The following SLC25A26 variants were observed in gnomAD, a reference collection of about 807,000 sequenced individuals.
SLC25A26 encodes solute carrier family 25 member 26, also known as mitochondrial S-adenosylmethionine carrier protein.
SLC25A26 carries 36 observed loss-of-function variants against 37.8 expected under a neutral mutation model. That is an observed-to-expected ratio of 0.95 (90% CI 0.73 to 1.26). The LOEUF (loss-of-function observed/expected upper bound fraction) is 1.26, where lower values mean the gene tolerates loss of function less well. Among genes scored for constraint, SLC25A26 ranks in the 50% most tolerant of loss-of-function variants. The pLI is 0.00. For missense variants in SLC25A26, 390 were observed against 331.1 expected (o/e 1.18, Z -1.38); for synonymous variants, 129 against 122.5 (o/e 1.05, Z -0.35).
intron 1 of SLC25A26, among the ~76,000 whole-genome samples, chr3:66,187,540 T>G (rs1486650086): frequency 2.0e-5 from 3 of 152,070 alleles, no homozygotes; most frequent in Non-Finnish European, 2.9e-5. Context: ...GCTATCACCC[T>G]GACTCTACCC....
intron 5 of SLC25A26, among the ~76,000 whole-genome samples, chr3:66,288,750 A>G (rs1364265674): frequency 6.6e-6 from 1 of 152,168 alleles, no homozygotes; most frequent in African/African-American, 2.4e-5. Context: ...GGTTGGTTCC[A>G]AGTCTTTGCT....
chr3:66,240,747 C>CTTTTTTTTTT (rs782761312), intron 2 of SLC25A26, among the ~76,000 whole-genome samples: 6 of 129,154 alleles, frequency 4.6e-5, no homozygotes, highest in African/African-American at 1.5e-4. Context: ...CTTTTCTTTT[C>CTTTTTTTTTT]TTTTTTTTTT....
At chr3:66,236,466 C>T in intron 1 of SLC25A26, 78 bp from the exon 2 acceptor site, 1 of 1,179,860 alleles carries the variant, frequency 8.5e-7, no homozygotes, top group Non-Finnish European at 1.1e-6. Flanking sequence ...GTCTTCCTAT[C>T]TTCGCCCCCA....
chr3:66,171,736 T>C (rs988375258), intron 1 of SLC25A26, among the ~76,000 whole-genome samples: 9 of 152,062 alleles, frequency 5.9e-5, no homozygotes, highest in African/African-American at 1.7e-4. Context: ...GTGAGCTGCC[T>C]GCCTTAGCCT....
At chr3:66,254,399 CAT>C (rs1390900905) in intron 3 of SLC25A26, among the ~76,000 whole-genome samples, 3 of 152,344 alleles carry the variant, frequency 2.0e-5, no homozygotes, top group East Asian at 3.9e-4. Context: ...CAAAAATCTT[CAT>C]AGTTTCCAGG....
intron 1 of SLC25A26, among the ~76,000 whole-genome samples, chr3:66,189,654 C>T (rs1451787156): frequency 1.3e-5 from 2 of 152,062 alleles, no homozygotes; most frequent in African/African-American, 2.4e-5. Flanking sequence ...GTACTGTGTG[C>T]TTTCTTTTCT....
At chr3:66,211,567 A>T (rs931615290) in intron 1 of SLC25A26, among the ~76,000 whole-genome samples, 9 of 152,178 alleles carry the variant, frequency 5.9e-5, no homozygotes, top group African/African-American at 1.9e-4. Flanking sequence ...ACTTAACAAA[A>T]CAAAATGGCA....
intron 5 of SLC25A26, among the ~76,000 whole-genome samples, chr3:66,303,006 GCAGCATCCCTGGCCTCTACC>G (rs2075118811): frequency 6.6e-6 from 1 of 152,122 alleles, no homozygotes; most frequent in Admixed American, 6.5e-5. Context: ...AGGCTGTGTA[GCAGCATCCCTGGCCTCTACC>G]CACTAGATAC....
chr3:66,316,273 T>C (rs1407717611), intron 5 of SLC25A26, among the ~76,000 whole-genome samples: 1 of 152,244 alleles, frequency 6.6e-6, no homozygotes, highest in Non-Finnish European at 1.5e-5. Flanking sequence ...TTTCCATATT[T>C]AGTGCTTCCT....
chr3:66,136,310 T>C (rs527320417), intron 1 of SLC25A26, among the ~76,000 whole-genome samples: 29 of 152,250 alleles, frequency 1.9e-4, no homozygotes, highest in Non-Finnish European at 3.4e-4. Flanking sequence ...TTTATGTCTA[T>C]ATGATAGTCA....
chr3:66,378,043 C>T lies in SLC25A26; in HGVS notation c.*236C>T, dbSNP rs765500603. ...TCTGTGGCGGTACTCTGAACAATTTCCTCAGAACCTCTTAATAAATAAGTT... is the reference window on the plus strand; with the variant it reads ...TCTGTGGCGGTACTCTGAACAATTTTCTCAGAACCTCTTAATAAATAAGTT... On this transcript the variant is annotated 3_prime_UTR_variant, in exon 10 of 10. Transcript: ENST00000354883. The T allele has an allele frequency of 7.3e-5, 31 of 424,042 alleles. No homozygotes were observed. Among genetic ancestry groups the T allele is most frequent in the Admixed American group, 1.5e-4 (4 of 26,932 alleles). 26.3% of individuals were successfully genotyped at this position (424,042 alleles called of 1,614,324 possible). A position where few individuals can be genotyped will look rare whatever the true frequency, so the allele number is the denominator to read the frequency against.
intron 1 of SLC25A26, among the ~76,000 whole-genome samples, chr3:66,150,850 A>G (rs1196892370): frequency 1.3e-5 from 2 of 151,272 alleles, no homozygotes; most frequent in Admixed American, 6.6e-5. Context: ...TATTTGATAG[A>G]CCCTCTGTTT....
At chr3:66,212,256 T>C (rs1379852276) in intron 1 of SLC25A26, among the ~76,000 whole-genome samples, 2 of 151,824 alleles carry the variant, frequency 1.3e-5, no homozygotes, top group African/African-American at 4.8e-5. Flanking sequence ...GGACTACAGG[T>C]GCACACCACC....
At chr3:66,337,291 G>A (rs372008213) in intron 5 of SLC25A26, among the ~76,000 whole-genome samples, 2 of 152,138 alleles carry the variant, frequency 1.3e-5, no homozygotes, top group Admixed American at 6.6e-5. Context: ...AAATGTTAAC[G>A]CTTGGTCTTA....
intron 1 of SLC25A26, among the ~76,000 whole-genome samples, chr3:66,171,198 A>AT (rs1431834192): frequency 6.6e-6 from 1 of 152,182 alleles, no homozygotes; most frequent in African/African-American, 2.4e-5. Context: ...CATTATGAAT[A>AT]TTTTACATTT....
chr3:66,257,901 T>C (rs1272321513), intron 3 of SLC25A26, among the ~76,000 whole-genome samples: 3 of 152,172 alleles, frequency 2.0e-5, no homozygotes, highest in East Asian at 3.9e-4. Flanking sequence ...AACCTTCATA[T>C]GTGCGCTGCT....
chr3:66,193,390 A>G (rs1162232734), intron 1 of SLC25A26, among the ~76,000 whole-genome samples: 9 of 152,174 alleles, frequency 5.9e-5, no homozygotes, highest in African/African-American at 2.2e-4. Context: ...TGTATTCTCT[A>G]CAACTATCAT....
At chr3:66,332,232 C>T (rs1323678982) in intron 5 of SLC25A26, among the ~76,000 whole-genome samples, 2 of 152,130 alleles carry the variant, frequency 1.3e-5, no homozygotes, top group Non-Finnish European at 2.9e-5. Context: ...GCCACCACAG[C>T]CTGCCTCCAG....
intron 1 of SLC25A26, among the ~76,000 whole-genome samples, chr3:66,154,834 T>C (rs2070259741): frequency 6.6e-6 from 1 of 152,204 alleles, no homozygotes; most frequent in African/African-American, 2.4e-5. Flanking sequence ...CTAGTTTTAC[T>C]AGCTTGCCTA....
Sources: gnomAD v4.1 joint callset for allele counts (sites outside exome capture counted in the v4.1 genomes callset) on GRCh38, gnomAD v4.1.1 for gene constraint, MANE v1.5 for transcripts, NCBI Gene and HGNC (gene_info 2026-07-23, HGNC 2026-07-21) for gene names.